ABHD8: variants seen among roughly 807,000 people sequenced by gnomAD.
ABHD8 encodes the protein abhydrolase domain containing 8.
In ABHD8, 10 loss-of-function variants were observed where a neutral mutation model predicts 29.3. That is an observed-to-expected ratio of 0.34 (90% CI 0.21 to 0.58). The LOEUF (loss-of-function observed/expected upper bound fraction) is 0.58, where lower values mean the gene tolerates loss of function less well. Ranked by LOEUF, ABHD8 falls within the 20% of genes least tolerant of loss-of-function variation. The probability of loss-of-function intolerance (pLI) is 0.85; values close to 1 mark genes in which losing one functional copy is unlikely to be tolerated. For missense variants in ABHD8, 556 were observed against 615.3 expected (o/e 0.90, Z 1.02); for synonymous variants, 282 against 274.6 (o/e 1.03, Z -0.27).
At position 17,292,301 on chromosome 19, in the gene ABHD8, T is replaced by A. The variant is rs2074073773; in HGVS notation, c.*360A>T. 2.9e-6 allele frequency: 1 copy of A among 348,928 alleles called. No homozygotes were observed. The highest frequency in any genetic ancestry group is 5.1e-6 in the Non-Finnish European group (1 of 194,236). The allele number at this position is 348,928 out of a possible 1,614,324, so 21.6% of individuals were successfully genotyped here. A position where few individuals can be genotyped will look rare whatever the true frequency, so the allele number is the denominator to read the frequency against. Reference sequence around the variant, plus strand: ...GCCTCGAGGGTCCCTGTGGGGCTCGTGGGTCCCAGGATCAAGCACGGCTGA... The same window carrying A: ...GCCTCGAGGGTCCCTGTGGGGCTCGAGGGTCCCAGGATCAAGCACGGCTGA... On this transcript the variant is annotated 3_prime_UTR_variant, in exon 5 of 5. Coordinates refer to ENST00000247706, the MANE Select transcript of ABHD8 (RefSeq NM_024527.5).
chr19:17,297,679 A>T (rs890051336), intron 2 of ABHD8: 1 of 151,778 alleles, frequency 6.6e-6, no homozygotes, highest in Non-Finnish European at 1.5e-5. Context: ...AACAAATAAG[A>T]GCTGTTACCT....
intron 2 of ABHD8, among the ~76,000 whole-genome samples, chr19:17,300,532 C>T (rs982802452): frequency 2.0e-5 from 3 of 152,098 alleles, no homozygotes; most frequent in African/African-American, 4.8e-5. Flanking sequence ...GGCTGGAGTG[C>T]AGTGACACAA....
At position 17,295,192 on chromosome 19, in the gene ABHD8, G is replaced by C. The variant is rs922396549; in HGVS notation, c.762-347C>G. On this transcript the variant is annotated intron_variant, in intron 2 of 4. Coordinates refer to ENST00000247706, the MANE Select transcript of ABHD8 (RefSeq NM_024527.5). ...GCAATCTCGGCTCACTGCAAGCTCC[G>C]CTTCCCGGGTTCACGCCATTCTCCT... Among the ~76,000 whole-genome samples the C allele has an allele frequency of 9.2e-4, 129 of 139,724 alleles. 4 individuals are homozygous for C. The Middle Eastern group carries it at 0.013, about 14-fold the overall frequency. 91.7% of individuals were successfully genotyped at this position (139,724 alleles called of 152,430 possible). A position where few individuals can be genotyped will look rare whatever the true frequency, so the allele number is the denominator to read the frequency against.
In ABHD8 at chr19:17,301,517, T is replaced by C; in HGVS notation, c.100A>G (p.Thr34Ala). The change falls in exon 2 of 5, where the codon ACC becomes GCC. Residue 34 changes from threonine (T) to alanine (A), a missense_variant. This residue lies in a region of ABHD8 where 286 missense variants were observed against 261.4 expected (regional missense o/e 1.09). Transcript: ENST00000247706. ...LESVESSDGY[T>A]FVEVKPGRVL... ...CGGCCGGGCTTGACCTCTACAAAGG[T>C]GTAGCCATCGCTGGACTCGACGCTC... The C allele has an allele frequency of 1.2e-6, 2 of 1,610,684 alleles. No homozygotes were observed. The highest frequency in any genetic ancestry group is 1.7e-6 in the Non-Finnish European group (2 of 1,178,992).
chr19:17,294,455 C>G lies in ABHD8; in HGVS notation c.982G>C (p.Gly328Arg), dbSNP rs553178516. 1 of 1,614,064 alleles carries G rather than the reference C, an allele frequency of 6.2e-7. No individual in the cohort carries two copies. The highest frequency in any genetic ancestry group is 1.3e-5 in the African/African-American group (1 of 74,952). ...GAKEKQLLKEGNAFNVSSFVL... is the reference protein window; with the variant it reads ...GAKEKQLLKERNAFNVSSFVL... ...AAGGATGACACGTTGAAAGCGTTGC[C>G]CTCCTTTAACAGCTGCTTCTCCTTG... is the stretch of plus-strand genomic sequence containing the variant. The change falls in exon 4 of 5, where the codon GGC (glycine) becomes CGC (arginine). Residue 328 changes from glycine (G) to arginine (R), a missense_variant. Gly to Arg is a moderately radical substitution (Grantham distance 125). Transcript: ENST00000247706.
At position 17,301,092 on chromosome 19, in the gene ABHD8, G is replaced by A. The variant is rs536054282; in HGVS notation, c.525C>T (p.Asp175=). ...CACCATGGATGAAAAAGAGCACCAC[G>A]TCGGCCTGGGCGCCTTTGCAGCTAG... The part of the protein sequence containing the change: ...RITSCKGAQA[D]VVLFFIHGVG... The change falls in exon 2 of 5, where the codon GAC becomes GAT. Residue 175 remains aspartate, a synonymous_variant. Transcript: ENST00000247706. 5.0e-6 allele frequency: 8 copies of A among 1,613,440 alleles called. No homozygotes were observed. The highest frequency in any genetic ancestry group is 1.1e-5 in the South Asian group (1 of 91,086).
chr19:17,298,461 G>A (rs1033656118), intron 2 of ABHD8: 2 of 152,292 alleles, frequency 1.3e-5, no homozygotes, highest in Middle Eastern at 3.4e-3. Context: ...AGAATTTACA[G>A]GATTCCGATG....
intron 1 of ABHD8, among the ~76,000 whole-genome samples, chr19:17,302,580 C>T (rs2074125778): frequency 6.6e-6 from 1 of 152,200 alleles, no homozygotes; most frequent in Non-Finnish European, 1.5e-5. Flanking sequence ...CTCAGCTCCC[C>T]TAGACCGGGG....
rs2074075951 is a variant in ABHD8, at chr19:17,292,643, G to T, written c.*18C>A. 1 of 1,598,198 alleles carries T rather than the reference G, an allele frequency of 6.3e-7. No homozygotes were observed. Among genetic ancestry groups the T allele is most frequent in the Non-Finnish European group, 8.5e-7 (1 of 1,172,926 alleles). ...GCTGCGGCTGTGCTCACCAAGCGAT[G>T]CCCCGCCGGCCCAGCGGCTACTTCT... On this transcript the variant is annotated 3_prime_UTR_variant, in exon 5 of 5. Transcript: ENST00000247706.
In ABHD8 at chr19:17,292,590, G is replaced by T; in HGVS notation, c.*71C>A. 1 of 1,485,930 alleles carries T rather than the reference G, an allele frequency of 6.7e-7. No homozygotes were observed. Among genetic ancestry groups the T allele is most frequent in the Non-Finnish European group, 9.0e-7 (1 of 1,113,226 alleles). The allele number at this position is 1,485,930 out of a possible 1,614,324, so 92.0% of individuals were successfully genotyped here. On this transcript the variant is annotated 3_prime_UTR_variant, in exon 5 of 5. Coordinates refer to ENST00000247706, the MANE Select transcript of ABHD8 (RefSeq NM_024527.5). ...GCCCGCCCAGGTGGTCTGCGCTGCA[G>T]ACCTGGCGCAGGCTCGGGCCTCCTC... is the stretch of plus-strand genomic sequence containing the variant.
At chr19:17,299,030 C>T (rs1414627024) in intron 2 of ABHD8, among the ~76,000 whole-genome samples, 3 of 152,176 alleles carry the variant, frequency 2.0e-5, no homozygotes, top group Non-Finnish European at 4.4e-5. Flanking sequence ...GCGTAAGCCA[C>T]TGCACCTGGC....
chr19:17,298,637 G>T (rs2145656330), intron 2 of ABHD8, among the ~76,000 whole-genome samples: 1 of 151,774 alleles, frequency 6.6e-6, no homozygotes, highest in East Asian at 1.9e-4. Flanking sequence ...GTTGCATCCA[G>T]TGGGCAGAAG....
Position 17,294,658 on chromosome 19 carries a change from G to A in ABHD8, c.932+17C>T. 1 of 1,612,378 alleles carries A rather than the reference G, an allele frequency of 6.2e-7. No homozygotes were observed. Among genetic ancestry groups the A allele is most frequent in the Non-Finnish European group, 8.5e-7 (1 of 1,178,836 alleles). ...CGCCAGGGCCAGGATCACGGTCTTT[G>A]GGGTGGGGACACTCACTTGAGGAAG... On this transcript the variant is annotated intron_variant, in intron 3 of 4. Coordinates refer to ENST00000247706, the MANE Select transcript of ABHD8 (RefSeq NM_024527.5).
Position 17,301,568 on chromosome 19 carries a change from G to C in ABHD8, c.49C>G (p.Pro17Ala). Residue 17 changes from proline to alanine, a missense_variant, in exon 2 of 5, where the codon CCC becomes GCC. Around this residue, in one of 2 missense-constraint regions of ABHD8, gnomAD observed 286 missense variants for 261.4 expected, o/e 1.09. Transcript: ENST00000247706. ...TCCAGTGGCCCCACGGCGTTGGGGG[G>C]CGTGCCCAGCAGGCAACAGAAGATA... is the stretch of plus-strand genomic sequence containing the variant. ...DGIFCCLLGTPPNAVGPLESV... is the reference protein window; with the variant it reads ...DGIFCCLLGTAPNAVGPLESV... 1.3e-6 allele frequency: 2 copies of C among 1,596,372 alleles called. No homozygotes were observed. Among genetic ancestry groups the C allele is most frequent in the South Asian group, 1.1e-5 (1 of 89,814 alleles).
At position 17,292,613 on chromosome 19, in the gene ABHD8, C is replaced by T; in HGVS notation, c.*48G>A. On this transcript the variant is annotated 3_prime_UTR_variant, in exon 5 of 5. Transcript: ENST00000247706. The stretch of plus-strand genomic sequence containing the variant: ...CAGACCTGGCGCAGGCTCGGGCCTC[C>T]TCCTGCTGCGGCTGTGCTCACCAAG... The T allele has an allele frequency of 1.9e-6, 3 of 1,552,830 alleles. No homozygotes were observed. The highest frequency in any genetic ancestry group is 2.6e-6 in the Non-Finnish European group (3 of 1,150,316).
intron 4 of ABHD8, 77 bp from the exon 5 acceptor site, chr19:17,292,908 T>A: frequency 6.7e-7 from 1 of 1,488,602 alleles, no homozygotes; most frequent in Non-Finnish European, 9.1e-7. Flanking sequence ...GACTCCGCCA[T>A]ACACACATGG....
intron 2 of ABHD8, among the ~76,000 whole-genome samples, chr19:17,295,063 G>T (rs1246897718): frequency 6.7e-6 from 1 of 148,150 alleles, no homozygotes; most frequent in African/African-American, 2.5e-5. Flanking sequence ...AGCTGAGATT[G>T]CAGGCGCACA....
At chr19:17,302,192 T>A (rs1292572090) in intron 1 of ABHD8, 1 of 152,240 alleles carries the variant, frequency 6.6e-6, no homozygotes, top group Non-Finnish European at 1.5e-5. Context: ...CCCCACAGGG[T>A]GTCCACAGGG....
At chr19:17,297,744 C>CTTTTTTTTTTTTT (rs71334702) in intron 2 of ABHD8, 1 of 130,252 alleles carries the variant, frequency 7.7e-6, no homozygotes, top group African/African-American at 2.8e-5. Flanking sequence ...GTTTTCTTTT[C>CTTTTTTTTTTTTT]TTTTTTTTTT....
Sources: allele counts gnomAD v4.1 joint callset (sites outside exome capture counted in the v4.1 genomes callset), GRCh38; gene constraint gnomAD v4.1.1; regional missense constraint gnomAD v4.1.1; transcripts MANE v1.5; gene names NCBI Gene and HGNC (gene_info 2026-07-23, HGNC 2026-07-21).